Variants in MOCOS observed in about 807,000 individuals in gnomAD.
MOCOS encodes human molybdenum cofactor sulfurase.
A neutral mutation model predicts 83.6 loss-of-function variants in MOCOS; 86 were observed. The observed-to-expected ratio is 1.03, with a 90% CI of 0.86 to 1.23. MOCOS has a LOEUF of 1.23. MOCOS is among the 50% of genes most tolerant of loss of function. The pLI is 0.00. For synonymous variants in MOCOS, 445 were observed against 434.7 expected (o/e 1.02, Z -0.29); for missense variants, 1,120 against 1,126.9 (o/e 0.99, Z 0.09).
intron 13 of MOCOS, among the ~76,000 whole-genome samples, chr18:36,262,310 T>C (rs1410097418): frequency 2.3e-5 from 2 of 85,740 alleles, no homozygotes; most frequent in African/African-American, 9.3e-5. Context: ...TGTGCGCCTG[T>C]AGTCTCAGCT....
intron 8 of MOCOS, among the ~76,000 whole-genome samples, chr18:36,219,304 G>A (rs910891707): frequency 7.9e-5 from 12 of 151,950 alleles, no homozygotes; most frequent in Non-Finnish European, 1.6e-4. Flanking sequence ...TCTCTCAGCT[G>A]ATTTTTTGTA....
intron 9 of MOCOS, among the ~76,000 whole-genome samples, chr18:36,245,735 T>A (rs1401650187): frequency 6.6e-6 from 1 of 152,208 alleles, no homozygotes; most frequent in African/African-American, 2.4e-5. Flanking sequence ...AAGTTTTAGA[T>A]TTCTCTTCTT....
At chr18:36,215,375 A>G (rs2091471830) in intron 7 of MOCOS, 141 bp from the exon 8 acceptor site, 1 of 815,108 alleles carries the variant, frequency 1.2e-6, no homozygotes, top group Non-Finnish European at 2.0e-6. Context: ...ACTATGTCCC[A>G]GACGCACAGC....
chr18:36,259,681 G>A (rs902045443), intron 12 of MOCOS, among the ~76,000 whole-genome samples: 7 of 151,972 alleles, frequency 4.6e-5, no homozygotes, highest in African/African-American at 4.8e-5. Context: ...GCCTTATGCC[G>A]CCCCACCTTA....
At chr18:36,218,971 T>G (rs1231727705) in intron 8 of MOCOS, among the ~76,000 whole-genome samples, 1 of 146,554 alleles carries the variant, frequency 6.8e-6, no homozygotes, top group South Asian at 2.1e-4. Context: ...TGGGTTCAAT[T>G]GATTCTCCTG....
intron 9 of MOCOS, among the ~76,000 whole-genome samples, chr18:36,221,873 G>C (rs1246554652): frequency 6.6e-6 from 1 of 151,970 alleles, no homozygotes; most frequent in Non-Finnish European, 1.5e-5. Context: ...TTACAGGCAT[G>C]CAGCACCATG....
chr18:36,205,019 G>GTT, intron 5 of MOCOS, 58 bp from the exon 6 acceptor site: 21 of 583,810 alleles, frequency 3.6e-5, no homozygotes, highest in Non-Finnish European at 5.1e-5. Context: ...AAAAAAAAGA[G>GTT]TGAATTGAGA....
chr18:36,189,273 G>A (rs759354973), intron 1 of MOCOS, among the ~76,000 whole-genome samples: 23 of 152,064 alleles, frequency 1.5e-4, no homozygotes, highest in Non-Finnish European at 2.8e-4. Flanking sequence ...CTCAGAACTC[G>A]TTACCACTTA....
At chr18:36,223,064 C>T (rs1438587827) in intron 9 of MOCOS, among the ~76,000 whole-genome samples, 1 of 152,068 alleles carries the variant, frequency 6.6e-6, no homozygotes, top group Non-Finnish European at 1.5e-5. Flanking sequence ...TTTAATTGTT[C>T]CCTTTGCTGT....
chr18:36,201,548 G>T (rs1312910481), intron 4 of MOCOS, among the ~76,000 whole-genome samples: 1 of 149,778 alleles, frequency 6.7e-6, no homozygotes, highest in Non-Finnish European at 1.5e-5. Flanking sequence ...TGTAATCTCA[G>T]CTGCTCAAGA....
intron 6 of MOCOS, among the ~76,000 whole-genome samples, chr18:36,206,009 G>A (rs8086528): frequency 0.092 from 14,048 of 152,036 alleles, 854 homozygotes; most frequent in African/African-American, 0.17. Context: ...CAAAGTGCTG[G>A]GATTATAGGT....
At chr18:36,265,594 G>A (rs17672794) in intron 13 of MOCOS, among the ~76,000 whole-genome samples, 1,853 of 152,228 alleles carry the variant, frequency 0.012, 125 homozygotes, top group Admixed American at 0.1. Flanking sequence ...GAAGCATCTC[G>A]TTATTGCTGA....
intron 7 of MOCOS, among the ~76,000 whole-genome samples, chr18:36,214,329 C>T (rs1555652325): frequency 6.6e-6 from 1 of 150,698 alleles, no homozygotes; most frequent in Non-Finnish European, 1.5e-5. Context: ...TCATTTTTTA[C>T]TTTGAGGCCA....
chr18:36,195,865 G>T (rs181375299), intron 2 of MOCOS, among the ~76,000 whole-genome samples: 180 of 152,300 alleles, frequency 1.2e-3, no homozygotes, highest in Non-Finnish European at 2.2e-3. Context: ...TGGACAAAAG[G>T]TGCCTGGTTC....
chr18:36,263,283 C>CA (rs3837884), intron 13 of MOCOS, among the ~76,000 whole-genome samples: 24 of 151,608 alleles, frequency 1.6e-4, no homozygotes, highest in Non-Finnish European at 2.5e-4. Flanking sequence ...ACTGATACTA[C>CA]AAAAAAAATG....
At chr18:36,223,843 T>A (rs944580956) in intron 9 of MOCOS, among the ~76,000 whole-genome samples, 14 of 152,178 alleles carry the variant, frequency 9.2e-5, no homozygotes, top group African/African-American at 3.1e-4. Context: ...TTTGTTCTTT[T>A]AAAAGAGATT....
At chr18:36,192,686 C>T (rs2091370765) in intron 1 of MOCOS, among the ~76,000 whole-genome samples, 1 of 152,168 alleles carries the variant, frequency 6.6e-6, no homozygotes, top group Non-Finnish European at 1.5e-5. Context: ...CTCACTCTGT[C>T]ACAAAGACTG....
At chr18:36,258,521 A>C (rs1019408253) in intron 12 of MOCOS, among the ~76,000 whole-genome samples, 4 of 152,068 alleles carry the variant, frequency 2.6e-5, no homozygotes, top group African/African-American at 7.2e-5. Context: ...AAGTGGCAAA[A>C]CCAGACTCAG....
chr18:36,233,300 C>T (rs2091545591), intron 9 of MOCOS, among the ~76,000 whole-genome samples: 1 of 152,144 alleles, frequency 6.6e-6, no homozygotes, highest in African/African-American at 2.4e-5. Flanking sequence ...TGAATTACTT[C>T]CCTAAAAATA....
Sources: gnomAD v4.1 joint callset for allele counts (sites outside exome capture counted in the v4.1 genomes callset) on GRCh38, gnomAD v4.1.1 for gene constraint, MANE v1.5 for transcripts, NCBI Gene and HGNC (gene_info 2026-07-23, HGNC 2026-07-21) for gene names.